The following ATP6V0D2 variants were observed in gnomAD, a reference collection of about 807,000 sequenced individuals.
The protein encoded by ATP6V0D2 is ATPase H+ transporting V0 subunit d2.
Under a neutral mutation model 40.0 loss-of-function variants are expected in ATP6V0D2, and 40 were observed. That is an observed-to-expected ratio of 1.00 (90% CI 0.78 to 1.30). The LOEUF (loss-of-function observed/expected upper bound fraction) is 1.30. ATP6V0D2 is among the 50% of genes most tolerant of loss of function. The probability of loss-of-function intolerance (pLI) is 0.00; values close to 1 mark genes in which losing one functional copy is unlikely to be tolerated. For synonymous variants in ATP6V0D2, 179 were observed against 156.3 expected, an observed-to-expected ratio of 1.15 and a Z score of -1.08; for missense variants, 470 against 423.1, an observed-to-expected ratio of 1.11 and a Z score of -0.97.
At chr8:86,118,732 T>A (rs1818628683) in intron 2 of ATP6V0D2, among the ~76,000 whole-genome samples, 1 of 151,458 alleles carries the variant, frequency 6.6e-6, no homozygotes, top group South Asian at 2.1e-4. Context: ...GAAGGAAAAA[T>A]AACAATCAAT....
chr8:86,135,674 G>T (rs1229464567), intron 2 of ATP6V0D2, among the ~76,000 whole-genome samples: 1 of 152,126 alleles, frequency 6.6e-6, no homozygotes, highest in Non-Finnish European at 1.5e-5. Flanking sequence ...TGAGTAATTT[G>T]CTCATCACAG....
intron 5 of ATP6V0D2, among the ~76,000 whole-genome samples, chr8:86,144,394 A>G (rs1819018629): frequency 6.6e-6 from 1 of 152,184 alleles, no homozygotes. Context: ...TTTCATCATT[A>G]CATTATCTGG....
intron 4 of ATP6V0D2, among the ~76,000 whole-genome samples, chr8:86,142,407 A>G (rs1220144056): frequency 6.6e-6 from 1 of 152,214 alleles, no homozygotes; most frequent in Non-Finnish European, 1.5e-5. Flanking sequence ...GAAGTCAGTT[A>G]GCTAAAACGT....
At chr8:86,130,578 G>A (rs918477906) in intron 2 of ATP6V0D2, among the ~76,000 whole-genome samples, 5 of 152,016 alleles carry the variant, frequency 3.3e-5, no homozygotes, top group Admixed American at 1.3e-4. Flanking sequence ...AAAAGAAAAC[G>A]ACAGGCCTGG....
chr8:86,102,540 G>A (rs1303679797), intron 1 of ATP6V0D2, among the ~76,000 whole-genome samples: 1 of 152,184 alleles, frequency 6.6e-6, no homozygotes, highest in East Asian at 1.9e-4. Context: ...GTCTTTAAAA[G>A]GAAAGTGTTC....
At chr8:86,146,071 A>T (rs1242581382) in intron 5 of ATP6V0D2, among the ~76,000 whole-genome samples, 1 of 152,218 alleles carries the variant, frequency 6.6e-6, no homozygotes, top group Non-Finnish European at 1.5e-5. Flanking sequence ...TTATGTGCTT[A>T]TCCACTCTGC....
At chr8:86,113,341 G>T (rs558991916) in intron 1 of ATP6V0D2, among the ~76,000 whole-genome samples, 9 of 152,104 alleles carry the variant, frequency 5.9e-5, no homozygotes, top group Middle Eastern at 3.4e-3. Flanking sequence ...AATTAGCCAG[G>T]TATAGTGGCA....
At chr8:86,129,256 A>G (rs1818785455) in intron 2 of ATP6V0D2, among the ~76,000 whole-genome samples, 2 of 152,242 alleles carry the variant, frequency 1.3e-5, no homozygotes, top group Admixed American at 1.3e-4. Context: ...CTGGGCTCCT[A>G]CTGTGACAAC....
Position 86,139,501 on chromosome 8 carries a change from C to A in ATP6V0D2, c.347C>A (p.Ala116Glu). The part of the protein sequence containing the change: ...IDNVILLMNG[A>E]LQKKSVKEIL... ...AATGTGATTCTGCTGATGAATGGTG[C>A]ATTGCAGAAAAAATCTGTGAAAGAA... The change falls in exon 3 of 8, where the codon GCA becomes GAA. Residue 116 changes from alanine (A) to glutamate (E), a missense_variant. Coordinates refer to ENST00000285393, the MANE Select transcript of ATP6V0D2 (RefSeq NM_152565.1). The A allele has an allele frequency of 6.2e-7, 1 of 1,613,470 alleles. No individual in the cohort carries two copies. The highest frequency in any genetic ancestry group is 8.5e-7 in the Non-Finnish European group (1 of 1,179,764).
chr8:86,139,688 T>G, intron 3 of ATP6V0D2, 53 bp downstream of exon 3: 1 of 1,485,698 alleles, frequency 6.7e-7, no homozygotes, highest in South Asian at 1.4e-5. Flanking sequence ...TCACAGTCAT[T>G]AGAAAATGTA....
intron 2 of ATP6V0D2, among the ~76,000 whole-genome samples, chr8:86,120,577 A>T (rs918755926): frequency 2.0e-4 from 30 of 152,062 alleles, no homozygotes; most frequent in African/African-American, 5.6e-4. Context: ...AATTAAAAAA[A>T]TTTTTTGTCA....
chr8:86,100,467 A>G (rs1818382575), intron 1 of ATP6V0D2, among the ~76,000 whole-genome samples: 1 of 152,206 alleles, frequency 6.6e-6, no homozygotes, highest in South Asian at 2.1e-4. Context: ...CTCCTCAATT[A>G]GGGCTGAAGG....
chr8:86,136,120 T>C (rs1818893076), intron 2 of ATP6V0D2, among the ~76,000 whole-genome samples: 1 of 152,206 alleles, frequency 6.6e-6, no homozygotes, highest in Non-Finnish European at 1.5e-5. Flanking sequence ...AGAACTGGTA[T>C]TATTGTTCCA....
intron 2 of ATP6V0D2, among the ~76,000 whole-genome samples, chr8:86,122,479 A>G (rs1818683402): frequency 1.3e-5 from 2 of 152,208 alleles, no homozygotes; most frequent in African/African-American, 4.8e-5. Flanking sequence ...AGTTTACCCA[A>G]AGTGTTTCCC....
At chr8:86,142,615 C>T (rs1210616051) in intron 4 of ATP6V0D2, among the ~76,000 whole-genome samples, 1 of 152,120 alleles carries the variant, frequency 6.6e-6, no homozygotes, top group African/African-American at 2.4e-5. Context: ...TGAAATAATC[C>T]AAAACCATGC....
At chr8:86,145,215 GAA>G (rs1182955742) in intron 5 of ATP6V0D2, among the ~76,000 whole-genome samples, 1 of 23,548 alleles carries the variant, frequency 4.2e-5, no homozygotes, top group African/African-American at 2.4e-4. Flanking sequence ...AAGAAAGAAA[GAA>G]AGAAAGAAAG....
At chr8:86,128,043 CT>C (rs138790405) in intron 2 of ATP6V0D2, among the ~76,000 whole-genome samples, 1,894 of 152,058 alleles carry the variant, frequency 0.012, 40 homozygotes, top group African/African-American at 0.044. Context: ...GATTGCGCCA[CT>C]TGGGTTTGGA....
chr8:86,111,724 G>C (rs1400470055), intron 1 of ATP6V0D2, among the ~76,000 whole-genome samples: 2 of 152,056 alleles, frequency 1.3e-5, no homozygotes, highest in South Asian at 4.1e-4. Flanking sequence ...CTAAGTCATC[G>C]AATGCCTGCC....
rs113375205 is a variant in ATP6V0D2 at position 86,139,722 on chromosome 8, C to G, written c.481+87C>G. 268 of 1,399,364 alleles carry G rather than the reference C, an allele frequency of 1.9e-4. 2 individuals are homozygous for G. In the African/African-American group the frequency reaches 3.0e-3, roughly 16 times the overall value. The allele number at this position is 1,399,364 out of a possible 1,614,324, so 86.7% of individuals were successfully genotyped here. On this transcript the variant is annotated intron_variant, in intron 3 of 7. Coordinates refer to ENST00000285393, the MANE Select transcript of ATP6V0D2 (RefSeq NM_152565.1). ...TACTATTTTTTTCTTCCCTGTGGTC[C>G]AAAAGAAAATGTACTTTGATTTCAC...
Sources: gnomAD v4.1 joint callset for allele counts (sites outside exome capture counted in the v4.1 genomes callset) on GRCh38, gnomAD v4.1.1 for gene constraint, MANE v1.5 for transcripts, NCBI Gene and HGNC (gene_info 2026-07-23, HGNC 2026-07-21) for gene names.